Variants in NMNAT2 observed in about 807,000 individuals in gnomAD.
NMNAT2 encodes nicotinamide nucleotide adenylyltransferase 2, also known as nicotinamide/nicotinic acid mononucleotide adenylyltransferase 2.
A neutral mutation model predicts 41.6 loss-of-function variants in NMNAT2; 11 were observed. The ratio of observed to expected loss-of-function variants is 0.26; its 90% CI spans 0.17 to 0.44. The LOEUF is 0.44. NMNAT2 is among the 20% of genes least tolerant of loss of function. The probability of loss-of-function intolerance (pLI) is 1.00; values close to 1 mark genes in which losing one functional copy is unlikely to be tolerated. For synonymous variants in NMNAT2, 148 were observed against 151.2 expected (o/e 0.98, Z 0.16); for missense variants, 288 against 407.7 (o/e 0.71, Z 2.53).
At chr1:183,403,647 C>T (rs1648878904) in intron 1 of NMNAT2, among the ~76,000 whole-genome samples, 2 of 152,132 alleles carry the variant, frequency 1.3e-5, no homozygotes, top group Admixed American at 6.5e-5. Flanking sequence ...TTGTTCAGGC[C>T]TTTTTAATGA....
intron 10 of NMNAT2, among the ~76,000 whole-genome samples, chr1:183,256,841 T>G (rs1479638488): frequency 6.6e-6 from 1 of 152,142 alleles, no homozygotes; most frequent in Non-Finnish European, 1.5e-5. Context: ...AACCTCTGCC[T>G]TCTGGGTTCA....
chr1:183,253,904 CGTGTGTGTGT>C lies in NMNAT2; in HGVS notation c.822-1171_822-1162del, dbSNP rs139756017. Among the ~76,000 whole-genome samples the C allele has an allele frequency of 9.8e-3, 1,415 of 144,314 alleles. 11 individuals carry two copies. Among genetic ancestry groups the C allele is most frequent in the South Asian group, 0.018 (81 of 4,388 alleles). The allele number at this position is 144,314 out of a possible 152,430, so 94.7% of individuals were successfully genotyped here. A position where few individuals can be genotyped will look rare whatever the true frequency, so the allele number is the denominator to read the frequency against. ...TTTAAGTCGAATAATGTTCCACTTC[CGTGTGTGTGT>C]GTGTGTGTGTGTGTGTGTGTGTGTG... On this transcript the variant is annotated intron_variant, in intron 10 of 10. Coordinates refer to ENST00000287713, the MANE Select transcript of NMNAT2 (RefSeq NM_015039.4).
intron 4 of NMNAT2, 141 bp from the exon 5 acceptor site, chr1:183,286,929 A>G (rs1661415586): frequency 2.7e-6 from 2 of 744,652 alleles, no homozygotes. Context: ...TTCTAGACCC[A>G]GCTGCATCAT....
At chr1:183,264,754 C>T (rs77536160) in intron 8 of NMNAT2, among the ~76,000 whole-genome samples, 5,919 of 152,186 alleles carry the variant, frequency 0.039, 142 homozygotes, top group South Asian at 0.12. Context: ...CTCAGTCCAA[C>T]GAGTACCCAT....
intron 1 of NMNAT2, among the ~76,000 whole-genome samples, chr1:183,369,687 C>T (rs913767890): frequency 6.6e-6 from 1 of 151,870 alleles, no homozygotes; most frequent in Non-Finnish European, 1.5e-5. Flanking sequence ...GTTGAGCAGC[C>T]GTCGCTGTCA....
At chr1:183,275,704 G>C (rs646201) in intron 8 of NMNAT2, among the ~76,000 whole-genome samples, 1 of 151,790 alleles carries the variant, frequency 6.6e-6, no homozygotes, top group Admixed American at 6.6e-5. Context: ...ACAGAGTCTT[G>C]CTCTGTCACC....
intron 5 of NMNAT2, 25 bp from the exon 6 acceptor site, chr1:183,284,815 G>C (rs1424055659): frequency 6.3e-7 from 1 of 1,589,512 alleles, no homozygotes; most frequent in East Asian, 2.2e-5. Flanking sequence ...AAGACAGACA[G>C]GGACAGAGTG....
chr1:183,371,277 G>C (rs1395455017), intron 1 of NMNAT2, among the ~76,000 whole-genome samples: 1 of 152,202 alleles, frequency 6.6e-6, no homozygotes, highest in African/African-American at 2.4e-5. Flanking sequence ...GCAAAACTGT[G>C]GACACTGTAA....
chr1:183,347,620 T>C (rs1170058080), intron 1 of NMNAT2, among the ~76,000 whole-genome samples: 1 of 152,202 alleles, frequency 6.6e-6, no homozygotes, highest in Non-Finnish European at 1.5e-5. Flanking sequence ...AATACTACCC[T>C]TGTGTTTTTA....
intron 1 of NMNAT2, among the ~76,000 whole-genome samples, chr1:183,304,242 A>G (rs945347729): frequency 6.6e-6 from 1 of 152,248 alleles, no homozygotes; most frequent in African/African-American, 2.4e-5. Flanking sequence ...CAAAGGCATG[A>G]AGATATGATA....
At chr1:183,298,616 C>A (rs1354540190) in intron 1 of NMNAT2, among the ~76,000 whole-genome samples, 1 of 152,162 alleles carries the variant, frequency 6.6e-6, no homozygotes, top group East Asian at 1.9e-4. Context: ...ACCCTTTATT[C>A]CCATATGCAC....
At chr1:183,397,357 T>C (rs1255814380) in intron 1 of NMNAT2, among the ~76,000 whole-genome samples, 1 of 151,918 alleles carries the variant, frequency 6.6e-6, no homozygotes, top group Non-Finnish European at 1.5e-5. Context: ...AAAAGAACTT[T>C]AGAGAAAAAA....
intron 1 of NMNAT2, among the ~76,000 whole-genome samples, chr1:183,354,731 C>T (rs548839283): frequency 6.6e-6 from 1 of 152,066 alleles, no homozygotes; most frequent in East Asian, 1.9e-4. Flanking sequence ...TAACTTTTTC[C>T]TCTTTCTCTC....
chr1:183,294,035 C>T (rs1661615476), intron 1 of NMNAT2, among the ~76,000 whole-genome samples: 1 of 152,148 alleles, frequency 6.6e-6, no homozygotes, highest in Non-Finnish European at 1.5e-5. Context: ...TTTAAAAGTC[C>T]TCTGTGGGAG....
chr1:183,383,097 G>A (rs558376030), intron 1 of NMNAT2, among the ~76,000 whole-genome samples: 1 of 152,306 alleles, frequency 6.6e-6, no homozygotes, highest in Admixed American at 6.5e-5. Flanking sequence ...CTCAACTCTT[G>A]TCCTCTATGC....
At chr1:183,271,335 C>T (rs498993) in intron 8 of NMNAT2, among the ~76,000 whole-genome samples, 109,861 of 152,008 alleles carry the variant, frequency 0.72, 41,110 homozygotes, top group Middle Eastern at 0.86. Flanking sequence ...CTTGTTCCCC[C>T]CACCGAATCT....
chr1:183,327,026 T>TTATGTATG (rs368278255), intron 1 of NMNAT2, among the ~76,000 whole-genome samples: 2,238 of 143,272 alleles, frequency 0.016, 42 homozygotes, highest in East Asian at 0.046. Context: ...TAATTATATT[T>TTATGTATG]TATGTATGTA....
At chr1:183,405,044 A>C (rs1402543042) in intron 1 of NMNAT2, among the ~76,000 whole-genome samples, 1 of 152,102 alleles carries the variant, frequency 6.6e-6, no homozygotes, top group Non-Finnish European at 1.5e-5. Flanking sequence ...AACATGGTGA[A>C]ATCCCATCTC....
At chr1:183,347,019 G>A (rs939358822) in intron 1 of NMNAT2, among the ~76,000 whole-genome samples, 1 of 152,074 alleles carries the variant, frequency 6.6e-6, no homozygotes, top group African/African-American at 2.4e-5. Context: ...CCTTCTGGGT[G>A]GGAACTCACT....
Sources: gnomAD v4.1 joint callset for allele counts (sites outside exome capture counted in the v4.1 genomes callset) on GRCh38, gnomAD v4.1.1 for gene constraint, MANE v1.5 for transcripts, NCBI Gene and HGNC (gene_info 2026-07-23, HGNC 2026-07-21) for gene names.